The following FMN1 variants were observed in gnomAD, a reference collection of about 807,000 sequenced individuals.
FMN1 encodes formin 1, also known as formin-1.
FMN1 carries 110 observed loss-of-function variants against 132.4 expected under a neutral mutation model. That is an observed-to-expected ratio of 0.83 (90% confidence interval 0.71 to 0.97). The LOEUF is 0.97. Among genes scored for constraint, FMN1 ranks in the 50% least tolerant of loss-of-function variants. FMN1 has a pLI of 0.00. For synonymous variants in FMN1, 722 were observed against 651.7 expected, an observed-to-expected ratio of 1.11 and a Z score of -1.64; for missense variants, 1,792 against 1,705.3, an observed-to-expected ratio of 1.05 and a Z score of -0.90.
chr15:32,847,511 T>C (rs1348015555), intron 17 of FMN1, among the ~76,000 whole-genome samples: 3 of 151,798 alleles, frequency 2.0e-5, no homozygotes, highest in Non-Finnish European at 2.9e-5. Flanking sequence ...GGTGGGTGGA[T>C]CACTTGAGGT....
intron 9 of FMN1, among the ~76,000 whole-genome samples, chr15:32,948,772 T>A (rs1268386188): frequency 6.6e-6 from 1 of 152,102 alleles, no homozygotes; most frequent in East Asian, 1.9e-4. Context: ...TTTTGAATGT[T>A]ATTCTTTTTT....
chr15:33,031,387 G>T (rs766079348), intron 6 of FMN1, among the ~76,000 whole-genome samples: 7 of 152,130 alleles, frequency 4.6e-5, no homozygotes, highest in Non-Finnish European at 8.8e-5. Flanking sequence ...AATCCACAGG[G>T]CAGATCTGAC....
rs2056100162 is a variant in FMN1, at chr15:32,767,889, A to G, written c.*6421T>C. The G allele has an allele frequency of 6.6e-6, 1 of 152,216 alleles. No homozygotes were observed. Among genetic ancestry groups the G allele is most frequent in the Non-Finnish European group, 1.5e-5 (1 of 68,036 alleles). The allele number at this position is 152,216 out of a possible 1,614,324, so 9.4% of individuals were successfully genotyped here. ...TTCAATGGAAATGGAAGCCTTCCAA[A>G]TATTATGCAGAACACAATCTCAGTG... On this transcript the variant is annotated 3_prime_UTR_variant, in exon 21 of 21. Transcript: ENST00000616417.
intron 4 of FMN1, among the ~76,000 whole-genome samples, chr15:33,118,556 T>C (rs570182739): frequency 5.3e-5 from 8 of 152,292 alleles, no homozygotes; most frequent in African/African-American, 1.7e-4. Flanking sequence ...AACTTGTTGA[T>C]AAGAATCAAG....
chr15:32,780,495 T>C (rs1391035172), intron 19 of FMN1, among the ~76,000 whole-genome samples: 1 of 152,240 alleles, frequency 6.6e-6, no homozygotes, highest in Non-Finnish European at 1.5e-5. Flanking sequence ...TTATTTAGCA[T>C]GTCATCAAAA....
chr15:32,985,686 C>T (rs73372989), intron 7 of FMN1, among the ~76,000 whole-genome samples: 13,282 of 152,076 alleles, frequency 0.087, 699 homozygotes, highest in African/African-American at 0.14. Context: ...ACATTCTTTT[C>T]AACAAATCTG....
intron 3 of FMN1, among the ~76,000 whole-genome samples, chr15:33,162,403 T>A (rs558567250): frequency 1.3e-4 from 20 of 151,174 alleles, no homozygotes; most frequent in African/African-American, 4.9e-4. Flanking sequence ...CTATAAGGTA[T>A]CAAAGAACAA....
At chr15:32,889,358 C>T (rs867171429) in intron 15 of FMN1, among the ~76,000 whole-genome samples, 4 of 152,120 alleles carry the variant, frequency 2.6e-5, no homozygotes, top group Admixed American at 1.3e-4. Context: ...TGTCTTAGGC[C>T]GTCTTCAATT....
intron 7 of FMN1, among the ~76,000 whole-genome samples, chr15:32,979,427 G>A (rs1007563593): frequency 6.6e-6 from 1 of 151,806 alleles, no homozygotes; most frequent in Admixed American, 6.6e-5. Flanking sequence ...GTGGTGGTGG[G>A]TGCCTGTAGT....
rs1197407943 is a variant in FMN1 at position 32,776,855 on chromosome 15, TTTTC to T, written c.4191_4194del (p.Lys1398SerfsTer7). 11 of 1,592,384 alleles carry T rather than the reference TTTTC, an allele frequency of 6.9e-6. No homozygotes were observed. Among genetic ancestry groups the T allele is most frequent in the East Asian group, 2.2e-5 (1 of 44,566 alleles). ...CTCACCAGGCTAGCAGTGGGATTGATTTTCTTTGTCTCCACTTTCTTCTCTGAAG... is the reference window on the plus strand; with the variant it reads ...CTCACCAGGCTAGCAGTGGGATTGATTTTGTCTCCACTTTCTTCTCTGAAG... On this transcript the variant is annotated frameshift_variant, in exon 20 of 21. Transcript: ENST00000616417. LOFTEE classifies it high-confidence loss of function.
chr15:33,012,256 A>ACG, intron 6 of FMN1: 3 of 694,542 alleles, frequency 4.3e-6, no homozygotes, highest in South Asian at 4.2e-5. Flanking sequence ...CTGTGTGGTA[A>ACG]TGAGATCCAA....
chr15:32,935,685 T>C (rs1205854510), intron 9 of FMN1, among the ~76,000 whole-genome samples: 1 of 151,934 alleles, frequency 6.6e-6, no homozygotes, highest in Non-Finnish European at 1.5e-5. Context: ...TGGAGTGCAA[T>C]GGCGTGATCT....
chr15:32,896,139 C>T (rs1354480272), intron 15 of FMN1, among the ~76,000 whole-genome samples: 3 of 152,070 alleles, frequency 2.0e-5, no homozygotes, highest in African/African-American at 7.2e-5. Flanking sequence ...TCTTTTATCA[C>T]ATACTTGACA....
intron 9 of FMN1, among the ~76,000 whole-genome samples, chr15:32,930,728 G>A (rs181390853): frequency 6.6e-6 from 1 of 151,446 alleles, no homozygotes; most frequent in East Asian, 1.9e-4. Flanking sequence ...TTTGGGGGGG[G>A]GCGGTCTATG....
intron 18 of FMN1, among the ~76,000 whole-genome samples, chr15:32,801,430 T>C (rs753606446): frequency 2.0e-5 from 3 of 152,168 alleles, no homozygotes; most frequent in Non-Finnish European, 4.4e-5. Flanking sequence ...TGGCCTGGCT[T>C]TGGCACTCAG....
rs142558293 is a variant in FMN1, at chr15:33,081,535, G to A, written c.2043+7264C>T. Among the ~76,000 whole-genome samples the A allele has an allele frequency of 7.2e-5, 11 of 152,204 alleles. No individual in the cohort carries two copies. The South Asian group carries it at 1.9e-3, about 26-fold the overall frequency. On this transcript the variant is annotated intron_variant, in intron 5 of 20. Coordinates refer to ENST00000616417, the MANE Select transcript of FMN1 (RefSeq NM_001277313.2). Reference sequence around the variant, plus strand: ...GTTCTGTGTTGTAATTCTGGTTGTAGTTCTAGCTGTCTAATTCTGAGCCTG... The same window carrying A: ...GTTCTGTGTTGTAATTCTGGTTGTAATTCTAGCTGTCTAATTCTGAGCCTG...
intron 9 of FMN1, among the ~76,000 whole-genome samples, chr15:32,929,929 GATAA>G (rs1186762296): frequency 1.3e-5 from 2 of 150,052 alleles, no homozygotes; most frequent in African/African-American, 4.9e-5. Context: ...AATTCTTTTG[GATAA>G]ATATCCAGAA....
intron 15 of FMN1, among the ~76,000 whole-genome samples, chr15:32,891,221 T>C (rs910196748): frequency 1.7e-4 from 26 of 152,280 alleles, no homozygotes; most frequent in African/African-American, 6.0e-4. Context: ...TCCCGCCACG[T>C]GGGTTCTTTT....
intron 6 of FMN1, among the ~76,000 whole-genome samples, chr15:33,014,729 C>G (rs895553386): frequency 6.6e-6 from 1 of 152,138 alleles, no homozygotes; most frequent in Non-Finnish European, 1.5e-5. Context: ...TTATGTTGCA[C>G]AAACCTTCCT....
Sources: gnomAD v4.1 joint callset for allele counts (sites outside exome capture counted in the v4.1 genomes callset) on GRCh38, gnomAD v4.1.1 for gene constraint, MANE v1.5 for transcripts, NCBI Gene and HGNC (gene_info 2026-07-23, HGNC 2026-07-21) for gene names.